LAMA2: variants seen among roughly 807,000 people sequenced by gnomAD.
LAMA2 encodes the protein laminin subunit alpha 2.
In LAMA2, 269 loss-of-function variants were observed where a neutral mutation model predicts 364.8. That is an observed-to-expected ratio of 0.74 (90% confidence interval 0.67 to 0.82). The LOEUF (loss-of-function observed/expected upper bound fraction) is 0.82. LAMA2 is among the 40% of genes least tolerant of loss of function. The pLI is 0.00. For missense variants in LAMA2, 3,807 were observed against 3,873.2 expected, an observed-to-expected ratio of 0.98 and a Z score of 0.45; for synonymous variants, 1,379 against 1,370.6, an observed-to-expected ratio of 1.01 and a Z score of -0.14.
chr6:128,960,465 C>A (rs970256795), intron 1 of LAMA2, among the ~76,000 whole-genome samples: 1 of 148,162 alleles, frequency 6.7e-6, no homozygotes, highest in South Asian at 2.1e-4. Flanking sequence ...TGGCCCCACC[C>A]CGCCCCCGCC....
At chr6:129,074,404 T>C (rs1773500391) in intron 3 of LAMA2, among the ~76,000 whole-genome samples, 1 of 152,154 alleles carries the variant, frequency 6.6e-6, no homozygotes, top group Non-Finnish European at 1.5e-5. Flanking sequence ...TCCTGTGAGA[T>C]TGCTGAACAC....
chr6:129,220,157 T>C (rs1386427032), intron 12 of LAMA2, among the ~76,000 whole-genome samples: 1 of 152,200 alleles, frequency 6.6e-6, no homozygotes, highest in Non-Finnish European at 1.5e-5. Context: ...TGAAATATTA[T>C]ATTTTTTGCA....
intron 1 of LAMA2, among the ~76,000 whole-genome samples, chr6:128,899,201 A>G (rs1776939102): frequency 1.3e-5 from 2 of 152,188 alleles, no homozygotes; most frequent in Non-Finnish European, 2.9e-5. Context: ...ATTTTGAATT[A>G]ACACATGGCT....
chr6:128,949,804 T>C (rs1399356730), intron 1 of LAMA2, among the ~76,000 whole-genome samples: 1 of 152,196 alleles, frequency 6.6e-6, no homozygotes, highest in Non-Finnish European at 1.5e-5. Context: ...CAATTTTCAC[T>C]AAAACAATCA....
intron 1 of LAMA2, among the ~76,000 whole-genome samples, chr6:128,967,570 C>G (rs1032555150): frequency 7.9e-5 from 12 of 152,150 alleles, no homozygotes; most frequent in African/African-American, 2.9e-4. Flanking sequence ...TTGACCAATA[C>G]TTGATGAGTA....
In LAMA2 at chr6:129,486,527, A is replaced by T. The variant is rs1436982364; in HGVS notation, c.7803A>T (p.Thr2601=). The change falls in exon 56 of 65, where the codon ACA becomes ACT. Residue 2601 remains threonine, a synonymous_variant. Transcript: ENST00000421865. Reference sequence around the variant, plus strand: ...GCCGTCTGGAAGTGCATCTCTCCACAGGGGCACGAACAATGAGGAAAATTG... The same window carrying T: ...GCCGTCTGGAAGTGCATCTCTCCACTGGGGCACGAACAATGAGGAAAATTG... ...NRGRLEVHLS[T]GARTMRKIVI... 6.2e-7 allele frequency: 1 copy of T among 1,613,954 alleles called. No homozygotes were observed. The highest frequency in any genetic ancestry group is 2.2e-5 in the East Asian group (1 of 44,840).
chr6:129,311,428 G>T (rs2114490384), intron 22 of LAMA2, among the ~76,000 whole-genome samples: 1 of 152,228 alleles, frequency 6.6e-6, no homozygotes, highest in Middle Eastern at 3.4e-3. Context: ...GCCTAATGAA[G>T]AACCAGAACT....
intron 58 of LAMA2, among the ~76,000 whole-genome samples, chr6:129,500,988 T>C (rs1352407598): frequency 6.6e-6 from 1 of 152,180 alleles, no homozygotes; most frequent in Non-Finnish European, 1.5e-5. Context: ...CCACCTTTCT[T>C]AATCCCTCAA....
chr6:128,937,752 A>G (rs1779915692), intron 1 of LAMA2, among the ~76,000 whole-genome samples: 1 of 150,964 alleles, frequency 6.6e-6, no homozygotes, highest in Non-Finnish European at 1.5e-5. Context: ...ACTTATATTG[A>G]TCTTTTCTAT....
intron 1 of LAMA2, among the ~76,000 whole-genome samples, chr6:129,047,098 G>T (rs774075859): frequency 1.3e-5 from 2 of 152,008 alleles, no homozygotes; most frequent in South Asian, 2.1e-4. Context: ...AGATAATGGC[G>T]TGGAGACCAT....
intron 8 of LAMA2, among the ~76,000 whole-genome samples, chr6:129,163,381 C>T (rs537680966): frequency 1.3e-5 from 2 of 152,266 alleles, no homozygotes; most frequent in African/African-American, 4.8e-5. Context: ...CCCCAGGAAT[C>T]CCAGTACTTT....
intron 22 of LAMA2, among the ~76,000 whole-genome samples, chr6:129,311,435 A>C (rs1774224519): frequency 6.6e-6 from 1 of 152,112 alleles, no homozygotes; most frequent in East Asian, 1.9e-4. Context: ...GAAGAACCAG[A>C]ACTCAGCTTG....
chr6:129,006,743 T>C (rs1018463651), intron 1 of LAMA2, among the ~76,000 whole-genome samples: 2 of 152,150 alleles, frequency 1.3e-5, no homozygotes, highest in African/African-American at 4.8e-5. Context: ...AAAATCGTAC[T>C]GAAACTTGTA....
chr6:129,008,846 C>T (rs1329336240), intron 1 of LAMA2, among the ~76,000 whole-genome samples: 2 of 152,140 alleles, frequency 1.3e-5, no homozygotes, highest in Non-Finnish European at 2.9e-5. Context: ...ATTCACACAG[C>T]ATCAACTTAA....
At chr6:129,217,295 A>G (rs1339935738) in intron 12 of LAMA2, among the ~76,000 whole-genome samples, 1 of 152,174 alleles carries the variant, frequency 6.6e-6, no homozygotes, top group Non-Finnish European at 1.5e-5. Flanking sequence ...TTCCATATAT[A>G]AGTCCCAACA....
intron 39 of LAMA2, among the ~76,000 whole-genome samples, chr6:129,403,097 C>T (rs1223395895): frequency 6.6e-6 from 1 of 152,156 alleles, no homozygotes; most frequent in Non-Finnish European, 1.5e-5. Flanking sequence ...GCTTTTCCTA[C>T]AATTTTGGGA....
intron 4 of LAMA2, among the ~76,000 whole-genome samples, chr6:129,136,219 C>T (rs937218292): frequency 1.3e-5 from 2 of 152,090 alleles, no homozygotes; most frequent in South Asian, 2.1e-4. Flanking sequence ...ATGAAACTAA[C>T]CTAAGCTCAT....
At chr6:129,252,054 CTTTT>C (rs747623583) in intron 13 of LAMA2, 26 bp from the exon 14 acceptor site, 6 of 1,516,808 alleles carry the variant, frequency 4.0e-6, no homozygotes, top group Non-Finnish European at 4.6e-6. Context: ...CAGTTTTACT[CTTTT>C]TTATTTCTTT....
chr6:129,315,791 T>C lies in LAMA2; in HGVS notation c.3765T>C (p.Tyr1255=). 6.2e-7 allele frequency: 1 copy of C among 1,614,168 alleles called. No homozygotes were observed. The highest frequency in any genetic ancestry group is 8.5e-7 in the Non-Finnish European group (1 of 1,180,026). The change falls in exon 26 of 65, where the codon TAT becomes TAC. Residue 1255 remains tyrosine, a synonymous_variant. Coordinates refer to ENST00000421865, the MANE Select transcript of LAMA2 (RefSeq NM_000426.4). ...TGGCCTATGGGGGCAAACTCAAGTA[T>C]GCAATCTATTTCGAGGCTCGGGAAG... is the stretch of plus-strand genomic sequence containing the variant. The part of the protein sequence containing the change: ...KLMAYGGKLK[Y]AIYFEAREET...
Sources: gnomAD v4.1 joint callset for allele counts (sites outside exome capture counted in the v4.1 genomes callset) on GRCh38, gnomAD v4.1.1 for gene constraint, MANE v1.5 for transcripts, NCBI Gene and HGNC (gene_info 2026-07-23, HGNC 2026-07-21) for gene names.